The following RPRD2 variants were observed in gnomAD, a reference collection of about 807,000 sequenced individuals.
RPRD2 encodes regulation of nuclear pre-mRNA domain containing 2, also known as regulation of nuclear pre-mRNA domain-containing protein 2.
A neutral mutation model predicts 104.4 loss-of-function variants in RPRD2; 12 were observed. The observed-to-expected ratio is 0.11, with a 90% CI of 0.07 to 0.19. RPRD2 has a LOEUF of 0.19. Among genes scored for constraint, RPRD2 ranks in the 10% least tolerant of loss-of-function variants. RPRD2 has a pLI of 1.00. For synonymous variants in RPRD2, 714 were observed against 684.9 expected (o/e 1.04, Z -0.66); for missense variants, 1,543 against 1,790.1 (o/e 0.86, Z 2.49).
chr1:150,417,801 C>A, intron 2 of RPRD2, 76 bp downstream of exon 2: 2 of 1,156,094 alleles, frequency 1.7e-6, no homozygotes, highest in Non-Finnish European at 2.3e-6. Context: ...CCATTAAGAA[C>A]TGTAATAATT....
At chr1:150,445,177 C>G (rs1403959403) in intron 6 of RPRD2, among the ~76,000 whole-genome samples, 1 of 152,094 alleles carries the variant, frequency 6.6e-6, no homozygotes, top group Non-Finnish European at 1.5e-5. Context: ...GAGACCGTCT[C>G]TAAAGAAAAA....
At chr1:150,403,457 C>T (rs1439048740) in intron 1 of RPRD2, among the ~76,000 whole-genome samples, 3 of 152,066 alleles carry the variant, frequency 2.0e-5, no homozygotes, top group Non-Finnish European at 4.4e-5. Context: ...CACCATTCTA[C>T]TTTTTGTCTC....
At chr1:150,417,488 GA>G (rs11362082) in intron 1 of RPRD2, 107 bp from the exon 2 acceptor site, 446,288 of 782,136 alleles carry the variant, frequency 0.57, 126,404 homozygotes, top group African/African-American at 0.66. Context: ...ATCCATGTAA[GA>G]AAAAAAAAAT....
At chr1:150,433,636 G>A (rs1470510741) in intron 2 of RPRD2, among the ~76,000 whole-genome samples, 12 of 148,426 alleles carry the variant, frequency 8.1e-5, no homozygotes, top group Non-Finnish European at 1.8e-4. Flanking sequence ...AGTAGAGATG[G>A]GGTTTCACAG....
chr1:150,406,643 C>T (rs1367181516), intron 1 of RPRD2, among the ~76,000 whole-genome samples: 4 of 152,146 alleles, frequency 2.6e-5, no homozygotes, highest in Non-Finnish European at 5.9e-5. Flanking sequence ...AAATGATCCT[C>T]CTGCCTAGGC....
intron 2 of RPRD2, among the ~76,000 whole-genome samples, chr1:150,429,704 A>G (rs978180070): frequency 3.3e-5 from 5 of 152,232 alleles, no homozygotes; most frequent in African/African-American, 4.8e-5. Context: ...AGAAACAACA[A>G]CAAATAAGTT....
At chr1:150,413,219 G>C (rs782410591) in intron 1 of RPRD2, among the ~76,000 whole-genome samples, 1 of 152,120 alleles carries the variant, frequency 6.6e-6, no homozygotes, top group Non-Finnish European at 1.5e-5. Context: ...TTATTAATAG[G>C]TGTAGGGGGA....
chr1:150,460,700 G>A (rs587769816), intron 9 of RPRD2, among the ~76,000 whole-genome samples: 2 of 150,092 alleles, frequency 1.3e-5, no homozygotes, highest in African/African-American at 4.9e-5. Flanking sequence ...ACCGTGCCCA[G>A]TCTGTTGTTG....
At chr1:150,413,015 A>C (rs1304054170) in intron 1 of RPRD2, among the ~76,000 whole-genome samples, 1 of 143,926 alleles carries the variant, frequency 6.9e-6, no homozygotes, top group Non-Finnish European at 1.5e-5. Flanking sequence ...GAAAAGAAAA[A>C]TAAATTTGGC....
intron 2 of RPRD2, among the ~76,000 whole-genome samples, chr1:150,437,776 C>A (rs587682585): frequency 2.0e-5 from 3 of 151,640 alleles, no homozygotes; most frequent in African/African-American, 7.3e-5. Flanking sequence ...GATGGGGTTT[C>A]GCCACGTTGC....
In RPRD2 at chr1:150,450,973, G is replaced by T. The variant is rs377401751; in HGVS notation, c.870+4572G>T. Among the ~76,000 whole-genome samples, 6 of 152,194 alleles carry T rather than the reference G, an allele frequency of 3.9e-5. No individual in the cohort carries two copies. In the East Asian group the frequency reaches 9.7e-4, roughly 25 times the overall value. On this transcript the variant is annotated intron_variant, in intron 7 of 10. Transcript: ENST00000369068. ...TGACACACTTATAATCTAATCCTCA[G>T]AACCGATTCATATTGGCCAGTTTTT...
In RPRD2 at chr1:150,472,145, G is replaced by A. The variant is rs201171744; in HGVS notation, c.3197G>A (p.Arg1066His). ...GAAGAGCACTACCGCATAGAAACCC[G>A]CGTCTCCTCCTCCTGCTTAGACTTG... ...QQEEHYRIET[R>H]VSSSCLDLPD... The change falls in exon 11 of 11, where the codon CGC becomes CAC. Residue 1066 changes from arginine (R) to histidine (H), a missense_variant. Arg to His is a conservative substitution (Grantham distance 29). Coordinates refer to ENST00000369068, the MANE Select transcript of RPRD2 (RefSeq NM_015203.5). The A allele has an allele frequency of 3.2e-5, 52 of 1,613,806 alleles. No individual in the cohort carries two copies. Among genetic ancestry groups the A allele is most frequent in the Admixed American group, 1.0e-4 (6 of 59,990 alleles).
At chr1:150,413,557 C>G (rs1020107032) in intron 1 of RPRD2, among the ~76,000 whole-genome samples, 8 of 150,896 alleles carry the variant, frequency 5.3e-5, no homozygotes, top group African/African-American at 2.0e-4. Flanking sequence ...AAGCTGAGAT[C>G]GTGCCATTGC....
At chr1:150,370,801 C>T (rs1237658876) in intron 1 of RPRD2, among the ~76,000 whole-genome samples, 1 of 152,016 alleles carries the variant, frequency 6.6e-6, no homozygotes, top group African/African-American at 2.4e-5. Flanking sequence ...GTCTCAACCT[C>T]CTAAGCTCAA....
intron 7 of RPRD2, among the ~76,000 whole-genome samples, chr1:150,447,020 G>C (rs1457611286): frequency 6.6e-6 from 1 of 151,954 alleles, no homozygotes; most frequent in Non-Finnish European, 1.5e-5. Flanking sequence ...ATTTTTAGTA[G>C]AGACGAGGTT....
chr1:150,398,567 A>G (rs587620881), intron 1 of RPRD2, among the ~76,000 whole-genome samples: 6 of 147,000 alleles, frequency 4.1e-5, no homozygotes, highest in Non-Finnish European at 7.5e-5. Flanking sequence ...TTTTTCTGAC[A>G]GAGTCTCACT....
At chr1:150,387,505 AGATATTTTGCAG>A (rs1338354581) in intron 1 of RPRD2, among the ~76,000 whole-genome samples, 1 of 142,782 alleles carries the variant, frequency 7.0e-6, no homozygotes, top group East Asian at 2.4e-4. Context: ...GTGACAGGCT[AGATATTTTGCAG>A]GATCCTTCCA....
At chr1:150,393,060 A>G (rs1553883470) in intron 1 of RPRD2, among the ~76,000 whole-genome samples, 1 of 152,180 alleles carries the variant, frequency 6.6e-6, no homozygotes, top group African/African-American at 2.4e-5. Flanking sequence ...ATGTGGCTAT[A>G]TAGAGAGACA....
chr1:150,369,187 G>A (rs1660075477), intron 1 of RPRD2, among the ~76,000 whole-genome samples: 1 of 152,172 alleles, frequency 6.6e-6, no homozygotes, highest in Non-Finnish European at 1.5e-5. Flanking sequence ...ATAATTTAGT[G>A]AAAGAAATTA....
Sources: gnomAD v4.1 joint callset for allele counts (sites outside exome capture counted in the v4.1 genomes callset) on GRCh38, gnomAD v4.1.1 for gene constraint, MANE v1.5 for transcripts, NCBI Gene and HGNC (gene_info 2026-07-23, HGNC 2026-07-21) for gene names.